The following ZNF532 variants were observed in gnomAD, a reference collection of about 807,000 sequenced individuals.
ZNF532 encodes zinc finger protein 532.
A neutral mutation model predicts 89.3 loss-of-function variants in ZNF532; 22 were observed. That is an observed-to-expected ratio of 0.25 (90% CI 0.18 to 0.35). The LOEUF (loss-of-function observed/expected upper bound fraction) is 0.35, where lower values mean the gene tolerates loss of function less well. Ranked by LOEUF, ZNF532 falls within the 10% of genes least tolerant of loss-of-function variation. The pLI is 1.00. For synonymous variants in ZNF532, 606 were observed against 649.6 expected, an observed-to-expected ratio of 0.93 and a Z score of 1.02; for missense variants, 1,132 against 1,643.4, an observed-to-expected ratio of 0.69 and a Z score of 5.38.
At chr18:58,937,741 T>C (rs755864773) in intron 4 of ZNF532, among the ~76,000 whole-genome samples, 7 of 152,224 alleles carry the variant, frequency 4.6e-5, no homozygotes, top group African/African-American at 7.2e-5. Flanking sequence ...GCTTCTAGGT[T>C]TGGGAAGAGC....
At chr18:58,976,271 T>C (rs912559434) in intron 7 of ZNF532, among the ~76,000 whole-genome samples, 2 of 152,232 alleles carry the variant, frequency 1.3e-5, no homozygotes, top group African/African-American at 4.8e-5. Context: ...CTCTCTCACA[T>C]TGATTGATCT....
At chr18:58,912,930 T>A (rs6567035) in intron 2 of ZNF532, among the ~76,000 whole-genome samples, 146,682 of 151,786 alleles carry the variant, frequency 0.97, 70,896 homozygotes, top group East Asian at 1. Context: ...TCAAATTTTT[T>A]AAAAAAACTT....
chr18:58,952,147 G>C (rs1332697756), intron 6 of ZNF532, among the ~76,000 whole-genome samples: 2 of 152,180 alleles, frequency 1.3e-5, no homozygotes, highest in African/African-American at 4.8e-5. Context: ...TGAAGGAATG[G>C]CTTCTTTCTT....
intron 2 of ZNF532, among the ~76,000 whole-genome samples, chr18:58,866,762 T>G (rs1169525964): frequency 6.6e-6 from 1 of 152,246 alleles, no homozygotes; most frequent in Non-Finnish European, 1.5e-5. Flanking sequence ...GTTAAAATGT[T>G]TTTCATTTGG....
At chr18:58,902,851 G>T (rs1405384392) in intron 2 of ZNF532, among the ~76,000 whole-genome samples, 2 of 152,106 alleles carry the variant, frequency 1.3e-5, no homozygotes, top group South Asian at 4.1e-4. Context: ...TCCACATTAG[G>T]AGAAAGGCTG....
At chr18:58,930,965 A>G (rs1197681249) in intron 3 of ZNF532, among the ~76,000 whole-genome samples, 1 of 152,180 alleles carries the variant, frequency 6.6e-6, no homozygotes, top group Non-Finnish European at 1.5e-5. Flanking sequence ...GTAATTGCAA[A>G]GCGTGGAATG....
intron 4 of ZNF532, among the ~76,000 whole-genome samples, chr18:58,937,269 G>A (rs748417961): frequency 1.3e-5 from 2 of 152,140 alleles, no homozygotes; most frequent in Non-Finnish European, 2.9e-5. Context: ...TGCATGAGCC[G>A]TTTGAAGTCT....
chr18:58,961,265 C>T (rs957208091), intron 7 of ZNF532, among the ~76,000 whole-genome samples: 15 of 152,188 alleles, frequency 9.9e-5, no homozygotes, highest in African/African-American at 2.4e-4. Context: ...CCATGCTTTG[C>T]GAACTACTGG....
At chr18:58,926,696 T>G (rs1212642293) in intron 3 of ZNF532, among the ~76,000 whole-genome samples, 3 of 152,380 alleles carry the variant, frequency 2.0e-5, no homozygotes, top group Non-Finnish European at 2.9e-5. Context: ...TAGATTTCTT[T>G]TTTCAAACAA....
chr18:58,880,268 G>A (rs59161897), intron 2 of ZNF532, among the ~76,000 whole-genome samples: 28,047 of 152,164 alleles, frequency 0.18, 2,919 homozygotes, highest in Middle Eastern at 0.29. Flanking sequence ...CACCTTGGTA[G>A]AATGCAGCTA....
At chr18:58,872,915 G>C (rs1259105971) in intron 2 of ZNF532, among the ~76,000 whole-genome samples, 1 of 151,788 alleles carries the variant, frequency 6.6e-6, no homozygotes, top group African/African-American at 2.4e-5. Context: ...AGCCAGGATG[G>C]TCTCAATCTC....
chr18:58,914,805 G>A (rs2060493019), intron 2 of ZNF532, among the ~76,000 whole-genome samples: 1 of 152,210 alleles, frequency 6.6e-6, no homozygotes, highest in South Asian at 2.1e-4. Context: ...TCAAACTGTT[G>A]AGGGAAAGGG....
chr18:58,920,773 TG>T, intron 3 of ZNF532, 140 bp downstream of exon 3: 1 of 657,208 alleles, frequency 1.5e-6, no homozygotes, highest in South Asian at 2.2e-5. Context: ...TGTGTGTGTG[TG>T]TGTGTGTGTG....
At chr18:58,956,798 A>C (rs2064822861) in intron 7 of ZNF532, among the ~76,000 whole-genome samples, 1 of 151,924 alleles carries the variant, frequency 6.6e-6, no homozygotes, top group Admixed American at 6.6e-5. Flanking sequence ...TTCTAAAAGC[A>C]TTTTCTACCC....
At chr18:58,890,834 C>G (rs1038341459) in intron 2 of ZNF532, among the ~76,000 whole-genome samples, 2 of 145,036 alleles carry the variant, frequency 1.4e-5, no homozygotes, top group Non-Finnish European at 3.0e-5. Context: ...CCTCTCCTTC[C>G]TTTTTTTTTT....
At chr18:58,950,957 C>T (rs909279324) in intron 6 of ZNF532, among the ~76,000 whole-genome samples, 11 of 146,366 alleles carry the variant, frequency 7.5e-5, no homozygotes, top group Middle Eastern at 3.5e-3. Flanking sequence ...TTTTCAGAGT[C>T]TTTTTTTTTT....
At chr18:58,946,854 G>A (rs561564673) in intron 5 of ZNF532, among the ~76,000 whole-genome samples, 4 of 151,936 alleles carry the variant, frequency 2.6e-5, no homozygotes, top group Admixed American at 6.5e-5. Context: ...TAAATCTTAC[G>A]GGGAAAAAGA....
chr18:58,873,148 GT>G (rs1444211023), intron 2 of ZNF532, among the ~76,000 whole-genome samples: 1 of 151,830 alleles, frequency 6.6e-6, no homozygotes, highest in African/African-American at 2.4e-5. Context: ...AGCCTCCTGA[GT>G]AGGTGGGACC....
chr18:58,959,007 A>C (rs564948003), intron 7 of ZNF532, among the ~76,000 whole-genome samples: 21 of 152,298 alleles, frequency 1.4e-4, no homozygotes, highest in Non-Finnish European at 2.6e-4. Context: ...GAGATCAAAC[A>C]TTCTGTAATT....
Sources: gnomAD v4.1 joint callset for allele counts (sites outside exome capture counted in the v4.1 genomes callset) on GRCh38, gnomAD v4.1.1 for gene constraint, MANE v1.5 for transcripts, NCBI Gene and HGNC (gene_info 2026-07-23, HGNC 2026-07-21) for gene names.